KLHDC8A: variants seen among roughly 807,000 people sequenced by gnomAD.
KLHDC8A encodes the protein kelch domain containing 8A, also known as kelch domain-containing protein 8A.
KLHDC8A carries 21 observed loss-of-function variants against 33.1 expected under a neutral mutation model. The ratio of observed to expected loss-of-function variants is 0.64; its 90% CI spans 0.45 to 0.91. The LOEUF (loss-of-function observed/expected upper bound fraction) is 0.91, where lower values mean the gene tolerates loss of function less well. Among genes scored for constraint, KLHDC8A ranks in the 40% least tolerant of loss-of-function variants. The pLI is 0.00. For missense variants in KLHDC8A, 435 were observed against 483.3 expected, an observed-to-expected ratio of 0.90 and a Z score of 0.94; for synonymous variants, 173 against 193.5, an observed-to-expected ratio of 0.89 and a Z score of 0.88.
Position 205,343,484 on chromosome 1 carries a change from C to A in KLHDC8A, c.121G>T (p.Asp41Tyr). The change falls in exon 2 of 6, where the codon GAC (aspartate) becomes TAC (tyrosine). Residue 41 changes from aspartate (D) to tyrosine (Y), a missense_variant. Transcript: ENST00000367155. ...AAGCAGTCCATGGGGACGCCGTTGTCGTCACATCCCCCGATGGCATAGACC... is the reference window on the plus strand; with the variant it reads ...AAGCAGTCCATGGGGACGCCGTTGTAGTCACATCCCCCGATGGCATAGACC... ...GQVYAIGGCD[D>Y]NGVPMDCFEV... 4 of 1,613,566 alleles carry A rather than the reference C, an allele frequency of 2.5e-6. No individual in the cohort carries two copies. The highest frequency in any genetic ancestry group is 3.4e-6 in the Non-Finnish European group (4 of 1,179,904).
At chr1:205,337,896 G>T (rs1206291725) in intron 5 of KLHDC8A, among the ~76,000 whole-genome samples, 1 of 152,080 alleles carries the variant, frequency 6.6e-6, no homozygotes, top group Non-Finnish European at 1.5e-5. Flanking sequence ...TACTGACATG[G>T]TCTAGTTGAC....
At position 205,339,124 on chromosome 1, in the gene KLHDC8A, G is replaced by A. The variant is rs1662715307; in HGVS notation, c.757+70C>T. 2 of 1,333,782 alleles carry A rather than the reference G, an allele frequency of 1.5e-6. No individual in the cohort carries two copies. The highest frequency in any genetic ancestry group is 2.1e-6 in the Non-Finnish European group (2 of 940,834). The allele number at this position is 1,333,782 out of a possible 1,614,324, so 82.6% of individuals were successfully genotyped here. The stretch of plus-strand genomic sequence containing the variant: ...GCCCTGGAAGATGGCTGGAATAGGG[G>A]TAAGGGATGGGGAGCCAGCCAGAAG... On this transcript the variant is annotated intron_variant, in intron 4 of 5. Transcript: ENST00000367155. The surrounding 1 kb of genome is among the most constrained non-coding windows in gnomAD (Gnocchi z 5.1).
chr1:205,343,470 G>T lies in KLHDC8A; in HGVS notation c.135C>A (p.Pro45=). The change falls in exon 2 of 6, where the codon CCC becomes CCA. Residue 45 remains proline, a synonymous_variant. Coordinates refer to ENST00000367155, the MANE Select transcript of KLHDC8A (RefSeq NM_018203.3). ...AIGGCDDNGV[P]MDCFEVYSPE... is the part of the protein sequence containing the mutation. ...GGGAGTAGACCTCGAAGCAGTCCATGGGGACGCCGTTGTCGTCACATCCCC... is the reference window on the plus strand; with the variant it reads ...GGGAGTAGACCTCGAAGCAGTCCATTGGGACGCCGTTGTCGTCACATCCCC... 6.2e-7 allele frequency: 1 copy of T among 1,613,526 alleles called. No homozygotes were observed. The highest frequency in any genetic ancestry group is 8.5e-7 in the Non-Finnish European group (1 of 1,179,870).
At position 205,356,745 on chromosome 1, in the gene KLHDC8A, C is replaced by T. The variant is rs1663287706; in HGVS notation, c.-402G>A. Reference sequence around the variant, plus strand: ...CTCTGGCTGATCGACTGGGATGCAGCCAGGCCCCTATGCACAGGGCATGGG... The same window carrying T: ...CTCTGGCTGATCGACTGGGATGCAGTCAGGCCCCTATGCACAGGGCATGGG... On this transcript the variant is annotated 5_prime_UTR_variant, in exon 1 of 6. Transcript: ENST00000367155. 1 of 374,822 alleles carries T rather than the reference C, an allele frequency of 2.7e-6. No homozygotes were observed. The highest frequency in any genetic ancestry group is 2.1e-5 in the African/African-American group (1 of 47,722). The allele number at this position is 374,822 out of a possible 1,614,324, so 23.2% of individuals were successfully genotyped here. A position where few individuals can be genotyped will look rare whatever the true frequency, so the allele number is the denominator to read the frequency against.
rs577704724 is a variant in KLHDC8A at position 205,339,260 on chromosome 1, G to A, written c.691C>T (p.Arg231Trp). ...DNHLYSLGGL[R>W]QGRLYRQPKF... ...GGCTGCCGGTAGAGGCGACCTTGCC[G>A]CAGGCCTCCTAGGCTGTACAAGTGG... The change falls in exon 4 of 6, where the codon CGG becomes TGG. Residue 231 changes from arginine (R) to tryptophan (W), a missense_variant. Transcript: ENST00000367155. The surrounding 1 kb of genome is among the most constrained non-coding windows in gnomAD (Gnocchi z 5.1). 2.5e-5 allele frequency: 40 copies of A among 1,614,156 alleles called. No homozygotes were observed. Among genetic ancestry groups the A allele is most frequent in the Admixed American group, 3.3e-5 (2 of 60,014 alleles).
chr1:205,342,276 T>C (rs1306894848), intron 2 of KLHDC8A, among the ~76,000 whole-genome samples: 1 of 152,202 alleles, frequency 6.6e-6, no homozygotes, highest in Non-Finnish European at 1.5e-5. Context: ...AGGCCTGGGA[T>C]GAAGATGTGC....
chr1:205,343,973 C>G (rs1662872874), intron 1 of KLHDC8A, among the ~76,000 whole-genome samples, 180 bp from the exon 2 acceptor site: 3 of 152,182 alleles, frequency 2.0e-5, no homozygotes, highest in South Asian at 4.1e-4. Flanking sequence ...ACCCGCTGCT[C>G]GGACACTGCC....
Position 205,337,198 on chromosome 1 carries a change from T to C in KLHDC8A, c.*201A>G. 1.7e-6 allele frequency: 1 copy of C among 586,930 alleles called. No homozygotes were observed. Among genetic ancestry groups the C allele is most frequent in the Non-Finnish European group, 3.0e-6 (1 of 329,310 alleles). 36.4% of individuals were successfully genotyped at this position (586,930 alleles called of 1,614,324 possible). A position where few individuals can be genotyped will look rare whatever the true frequency, so the allele number is the denominator to read the frequency against. Reference sequence around the variant, plus strand: ...GTCAGCTCTGCAGCTGGTGGAGTCATCTGTGCCTCTTACAGTTTTCTGAGA... The same window carrying C: ...GTCAGCTCTGCAGCTGGTGGAGTCACCTGTGCCTCTTACAGTTTTCTGAGA... On this transcript the variant is annotated 3_prime_UTR_variant, in exon 6 of 6. Coordinates refer to ENST00000367155, the MANE Select transcript of KLHDC8A (RefSeq NM_018203.3).
intron 5 of KLHDC8A, 74 bp downstream of exon 5, chr1:205,338,421 G>A: frequency 1.7e-6 from 2 of 1,187,356 alleles, no homozygotes; most frequent in Non-Finnish European, 2.5e-6. Context: ...ACCCTTTCCT[G>A]CATATGCAAA....
In KLHDC8A at chr1:205,356,783, C is replaced by T. The variant is rs1317627775; in HGVS notation, c.-440G>A. 3.0e-5 allele frequency: 9 copies of T among 301,032 alleles called. No individual in the cohort carries two copies. The East Asian group carries it at 7.7e-4, about 26-fold the overall frequency. The allele number at this position is 301,032 out of a possible 1,614,324, so 18.6% of individuals were successfully genotyped here. A position where few individuals can be genotyped will look rare whatever the true frequency, so the allele number is the denominator to read the frequency against. ...CACAGGGCATGGGGCCAGCCCCGCCCTGAATGCACAGAAACTTGGGGTCCC... is the reference window on the plus strand; with the variant it reads ...CACAGGGCATGGGGCCAGCCCCGCCTTGAATGCACAGAAACTTGGGGTCCC... On this transcript the variant is annotated 5_prime_UTR_variant, in exon 1 of 6. Coordinates refer to ENST00000367155, the MANE Select transcript of KLHDC8A (RefSeq NM_018203.3).
At chr1:205,342,582 A>G (rs1043689127) in intron 2 of KLHDC8A, among the ~76,000 whole-genome samples, 1 of 152,170 alleles carries the variant, frequency 6.6e-6, no homozygotes, top group African/African-American at 2.4e-5. Flanking sequence ...AGAGGGAGGG[A>G]GGAAGAGGAG....
rs1558690257 is a variant in KLHDC8A, at chr1:205,351,601, T to TAAA, written c.-190+4931_-190+4932insTTT. ...TTTGTTAAATAAACTTCTGTAATAG[T>TAAA]CAAAAAAAAAAAAAAAAAAAAGAGG... is the stretch of plus-strand genomic sequence containing the variant. On this transcript the variant is annotated intron_variant, in intron 1 of 5. Transcript: ENST00000367155. 4.1e-3 allele frequency: 1,056 copies of TAAA among 258,056 alleles called. 3 individuals are homozygous for TAAA. Among genetic ancestry groups the TAAA allele is most frequent in the Middle Eastern group, 8.0e-3 (6 of 754 alleles). The allele number at this position is 258,056 out of a possible 1,614,324, so 16.0% of individuals were successfully genotyped here.
chr1:205,338,249 G>A (rs1409585376), intron 5 of KLHDC8A, among the ~76,000 whole-genome samples: 1 of 152,154 alleles, frequency 6.6e-6, no homozygotes, highest in African/African-American at 2.4e-5. Context: ...GCACGGCTAC[G>A]GGTGTCCCTT....
chr1:205,347,935 G>C (rs1021855831), intron 1 of KLHDC8A, among the ~76,000 whole-genome samples: 3 of 152,084 alleles, frequency 2.0e-5, no homozygotes, highest in African/African-American at 7.2e-5. Context: ...TTAAAAAGAT[G>C]GGGTCTTGCT....
chr1:205,356,526 A>C lies in KLHDC8A; in HGVS notation c.-190+7T>G. 2.2e-6 allele frequency: 1 copy of C among 456,338 alleles called. No individual in the cohort carries two copies. Among genetic ancestry groups the C allele is most frequent in the Non-Finnish European group, 4.4e-6 (1 of 226,982 alleles). 28.3% of individuals were successfully genotyped at this position (456,338 alleles called of 1,614,324 possible). On this transcript the variant is annotated splice_region_variant and intron_variant, in intron 1 of 5. Coordinates refer to ENST00000367155, the MANE Select transcript of KLHDC8A (RefSeq NM_018203.3). ...ACTCTGCATAGATGGATTGAAATAA[A>C]ACTTACCTGACTGGAGGGAAAAGGA...
At position 205,339,359 on chromosome 1, in the gene KLHDC8A, C is replaced by T. The variant is rs777795180; in HGVS notation, c.592G>A (p.Glu198Lys). Residue 198 changes from glutamate (E) to lysine (K), a missense_variant, in exon 4 of 6, where the codon GAG becomes AAG. By Grantham distance (56) the Glu-to-Lys change is moderately conservative. Coordinates refer to ENST00000367155, the MANE Select transcript of KLHDC8A (RefSeq NM_018203.3). This position sits in a 1 kb window ranked among gnomAD's most constrained non-coding sequence, Gnocchi z 5.1. ...GGAAACTTGGTCCAGGAGCGAGTCT[C>T]GATGTCAAAGACCTCGAAAGCGTTG... ...AVNAFEVFDI[E>K]TRSWTKFPNI... The T allele has an allele frequency of 6.8e-6, 11 of 1,614,066 alleles. No individual in the cohort carries two copies. The highest frequency in any genetic ancestry group is 1.3e-5 in the African/African-American group (1 of 74,942).
At chr1:205,338,454 C>A in intron 5 of KLHDC8A, 41 bp downstream of exon 5, 1 of 1,505,140 alleles carries the variant, frequency 6.6e-7, no homozygotes, top group Non-Finnish European at 9.3e-7. Flanking sequence ...CACTGAGCAC[C>A]AGAACCACAA....
Position 205,348,375 on chromosome 1 carries a change from C to T in KLHDC8A, c.-189-4582G>A, listed in dbSNP as rs12059162. The T allele has an allele frequency of 0.17, 25,469 of 152,116 alleles. 2,326 individuals carry two copies. Among genetic ancestry groups the T allele is most frequent in the South Asian group, 0.33 (1,587 of 4,810 alleles). The allele number at this position is 152,116 out of a possible 1,614,324, so 9.4% of individuals were successfully genotyped here. A position where few individuals can be genotyped will look rare whatever the true frequency, so the allele number is the denominator to read the frequency against. ...TATCCCTCCCCAGAAATACTCTTTA[C>T]CGGAGTGCCCTCTGCAGGGTACCAC... On this transcript the variant is annotated intron_variant, in intron 1 of 5. Coordinates refer to ENST00000367155, the MANE Select transcript of KLHDC8A (RefSeq NM_018203.3).
intron 1 of KLHDC8A, among the ~76,000 whole-genome samples, chr1:205,353,807 A>G (rs1042939885): frequency 1.3e-5 from 2 of 152,224 alleles, no homozygotes; most frequent in Admixed American, 6.5e-5. Context: ...GTTGTATACC[A>G]GGGACATTTA....
Sources: gnomAD v4.1 joint callset for allele counts (sites outside exome capture counted in the v4.1 genomes callset) on GRCh38, gnomAD v4.1.1 for gene constraint, Gnocchi (gnomAD v3.1) non-coding constraint, MANE v1.5 for transcripts, NCBI Gene and HGNC (gene_info 2026-07-23, HGNC 2026-07-21) for gene names.